The following MTUS1 variants were observed in gnomAD, a reference collection of about 807,000 sequenced individuals.
MTUS1 encodes microtubule associated scaffold protein 1.
In MTUS1, 109 loss-of-function variants were observed where a neutral mutation model predicts 120.8. The ratio of observed to expected loss-of-function variants is 0.90; its 90% CI spans 0.77 to 1.06. The LOEUF is 1.06. Ranked by LOEUF, MTUS1 falls within the 50% of genes least tolerant of loss-of-function variation. The pLI is 0.00. For missense variants in MTUS1, 2,210 were observed against 1,486.3 expected (o/e 1.49, Z -8.01); for synonymous variants, 737 against 550.5 (o/e 1.34, Z -4.74).
At chr8:17,716,636 G>T (rs1822392525) in intron 4 of MTUS1, 1 of 153,558 alleles carries the variant, frequency 6.5e-6, no homozygotes, top group Non-Finnish European at 1.4e-5. Context: ...CTCGCTGCAA[G>T]CTCCGCCTCC....
chr8:17,767,700 T>TAAA lies in MTUS1; in HGVS notation c.-154-11742_-154-11740dup, dbSNP rs112048837. 1.9e-3 allele frequency among the ~76,000 whole-genome samples: 163 copies of TAAA among 87,858 alleles called. 3 individuals carry two copies. The highest frequency in any genetic ancestry group is 5.2e-3 in the African/African-American group (103 of 19,662). The allele number at this position is 87,858 out of a possible 152,430, so 57.6% of individuals were successfully genotyped here. Reference sequence around the variant, plus strand: ...GGTGATAGAGCAAGACCCTGTCTCTTAAAAAAAAAAAAAAAAAACGGTGTG... The same window carrying TAAA: ...GGTGATAGAGCAAGACCCTGTCTCTTAAAAAAAAAAAAAAAAAAAAACGGTGTG... On this transcript the variant is annotated intron_variant, in intron 1 of 14. Transcript: ENST00000693296.
intron 4 of MTUS1, among the ~76,000 whole-genome samples, chr8:17,719,958 C>T (rs914214629): frequency 1.3e-5 from 2 of 152,138 alleles, no homozygotes; most frequent in Non-Finnish European, 2.9e-5. Flanking sequence ...TTGAAGATGA[C>T]CCAGTCCTCC....
At chr8:17,758,990 C>T (rs1004446098) in intron 1 of MTUS1, among the ~76,000 whole-genome samples, 5 of 152,010 alleles carry the variant, frequency 3.3e-5, no homozygotes, top group Admixed American at 6.6e-5. Flanking sequence ...CAAGCGATTA[C>T]CCTGCCTCAG....
intron 1 of MTUS1, among the ~76,000 whole-genome samples, chr8:17,762,594 C>T (rs1019890709): frequency 6.6e-5 from 10 of 152,152 alleles, no homozygotes; most frequent in African/African-American, 2.4e-4. Flanking sequence ...TAACGATTTC[C>T]TATGAAGTTG....
intron 6 of MTUS1, among the ~76,000 whole-genome samples, chr8:17,699,589 CA>C (rs1269138462): frequency 6.6e-6 from 1 of 152,206 alleles, no homozygotes; most frequent in Non-Finnish European, 1.5e-5. Context: ...ATCGATTAAT[CA>C]GATTCATTAA....
At chr8:17,751,085 T>C (rs1386471321) in intron 2 of MTUS1, among the ~76,000 whole-genome samples, 2 of 151,038 alleles carry the variant, frequency 1.3e-5, no homozygotes, top group Non-Finnish European at 3.0e-5. Flanking sequence ...GGGAGGCCAA[T>C]GTGGGCGGAT....
intron 8 of MTUS1, among the ~76,000 whole-genome samples, chr8:17,660,282 A>T (rs927657372): frequency 1.2e-4 from 18 of 152,178 alleles, no homozygotes; most frequent in Non-Finnish European, 4.4e-5. Flanking sequence ...CTGAGGCAGG[A>T]GAATCGCTTG....
chr8:17,658,691 G>A (rs1325519396), intron 8 of MTUS1, among the ~76,000 whole-genome samples: 2 of 152,126 alleles, frequency 1.3e-5, no homozygotes, highest in Non-Finnish European at 2.9e-5. Context: ...GATTATTTTA[G>A]GGCACAGAAA....
intron 3 of MTUS1, among the ~76,000 whole-genome samples, chr8:17,727,399 A>G (rs2131145614): frequency 6.6e-6 from 1 of 152,330 alleles, no homozygotes; most frequent in East Asian, 1.9e-4. Flanking sequence ...GAATAGAAAC[A>G]TCTCAGTTAA....
intron 6 of MTUS1, among the ~76,000 whole-genome samples, chr8:17,690,079 AACAG>A (rs1283078321): frequency 2.0e-5 from 3 of 152,232 alleles, no homozygotes; most frequent in Non-Finnish European, 4.4e-5. Flanking sequence ...CAACAGAGGA[AACAG>A]ACAACCTATA....
In MTUS1 at chr8:17,656,114, A is replaced by C. The variant is rs1369674387; in HGVS notation, c.2906-49T>G. The C allele has an allele frequency of 1.0e-5, 16 of 1,537,962 alleles. No individual in the cohort carries two copies. In the East Asian group the frequency reaches 3.6e-4, roughly 35 times the overall value. On this transcript the variant is annotated intron_variant, in intron 8 of 14. Coordinates refer to ENST00000693296, the MANE Select transcript of MTUS1 (RefSeq NM_001363059.2). ...GGGAAGAGGTCATTTTATTTGTGAAATGTCCTATATTCATTACAGTCACAC... is the reference window on the plus strand; with the variant it reads ...GGGAAGAGGTCATTTTATTTGTGAACTGTCCTATATTCATTACAGTCACAC...
chr8:17,656,451 C>A (rs1377306183), intron 8 of MTUS1, among the ~76,000 whole-genome samples: 4 of 151,312 alleles, frequency 2.6e-5, no homozygotes, highest in Non-Finnish European at 4.4e-5. Flanking sequence ...TTGCTTGAAC[C>A]CGGGAGGCGG....
At chr8:17,782,226 G>A (rs969404377) in intron 1 of MTUS1, among the ~76,000 whole-genome samples, 6 of 152,264 alleles carry the variant, frequency 3.9e-5, no homozygotes, top group Admixed American at 1.3e-4. Context: ...ACAGCTTTGG[G>A]AAAAGGTATT....
At chr8:17,721,734 T>C in intron 4 of MTUS1, 1 of 1,584,806 alleles carries the variant, frequency 6.3e-7, no homozygotes, top group East Asian at 2.3e-5. Flanking sequence ...TAAACGTGGC[T>C]AACAAAGGAA....
chr8:17,653,590 T>C (rs1807533912), intron 10 of MTUS1, 92 bp from the exon 11 acceptor site: 2 of 892,940 alleles, frequency 2.2e-6, no homozygotes, highest in South Asian at 1.6e-5. Flanking sequence ...TAGGGGTTGA[T>C]GATGAAGCCG....
At chr8:17,657,493 G>A (rs1334651231) in intron 8 of MTUS1, among the ~76,000 whole-genome samples, 4 of 148,124 alleles carry the variant, frequency 2.7e-5, no homozygotes, top group South Asian at 2.2e-4. Flanking sequence ...GCGTGAACCC[G>A]GGAGGCGGAG....
At chr8:17,792,600 A>G (rs1278431999) in intron 1 of MTUS1, among the ~76,000 whole-genome samples, 1 of 152,254 alleles carries the variant, frequency 6.6e-6, no homozygotes, top group Non-Finnish European at 1.5e-5. Flanking sequence ...ATGGTGGCTT[A>G]CGCCTGTAAT....
Position 17,754,473 on chromosome 8 carries a change from A to G in MTUS1, c.1335T>C (p.Ile445=). The G allele has an allele frequency of 6.2e-7, 1 of 1,614,136 alleles. No homozygotes were observed. The highest frequency in any genetic ancestry group is 1.1e-5 in the South Asian group (1 of 91,070). Residue 445 remains isoleucine (I), a synonymous_variant, in exon 2 of 15, where the codon ATT becomes ATC. Transcript: ENST00000693296. The stretch of plus-strand genomic sequence containing the variant: ...CTTTCTTACATTTCTCCGTCGCTTC[A>G]ATCGGTGAAACAGAAAAGGTTACTT... The part of the protein sequence containing the change: ...PTKVTFSVSP[I]EATEKCKKVE...
Position 17,647,084 on chromosome 8 carries a change from G to A in MTUS1, c.3502-5C>T. On this transcript the variant is annotated splice_region_variant and splice_polypyrimidine_tract_variant and intron_variant, in intron 13 of 14. Transcript: ENST00000693296. The stretch of plus-strand genomic sequence containing the variant: ...CAATGCTGTGTTGTTGTCCACCTTG[G>A]CATAAACAAGAATTCCAACATTTAT... 1.9e-6 allele frequency: 3 copies of A among 1,609,236 alleles called. No individual in the cohort carries two copies. The highest frequency in any genetic ancestry group is 1.1e-5 in the South Asian group (1 of 90,408).
Sources: gnomAD v4.1 joint callset for allele counts (sites outside exome capture counted in the v4.1 genomes callset) on GRCh38, gnomAD v4.1.1 for gene constraint, MANE v1.5 for transcripts, NCBI Gene and HGNC (gene_info 2026-07-23, HGNC 2026-07-21) for gene names.